The following CDH18 variants were observed in gnomAD, a reference collection of about 807,000 sequenced individuals.
The protein encoded by CDH18 is cadherin 18, also known as cadherin-18.
A neutral mutation model predicts 67.9 loss-of-function variants in CDH18; 31 were observed. That is an observed-to-expected ratio of 0.46 (90% CI 0.34 to 0.62). The LOEUF (loss-of-function observed/expected upper bound fraction) is 0.62. Ranked by LOEUF, CDH18 falls within the 20% of genes least tolerant of loss-of-function variation. The pLI is 0.01. For missense variants in CDH18, 890 were observed against 975.5 expected (o/e 0.91, Z 1.17); for synonymous variants, 362 against 347.2 (o/e 1.04, Z -0.48).
intron 3 of CDH18, among the ~76,000 whole-genome samples, chr5:19,807,864 T>A (rs1778194876): frequency 6.6e-6 from 1 of 152,190 alleles, no homozygotes; most frequent in South Asian, 2.1e-4. Context: ...TGAATATTTA[T>A]TTGTGTGAAT....
chr5:20,252,144 G>C lies in CDH18; in HGVS notation c.-518+3300C>G, dbSNP rs139344146. 5.0e-3 allele frequency among the ~76,000 whole-genome samples: 757 copies of C among 152,144 alleles called. 8 individuals are homozygous for C. The highest frequency in any genetic ancestry group is 0.017 in the African/African-American group (699 of 41,520). ...TGAAGCGGGTGGATCACGAGGTCAA[G>C]AGATCGAGATCATCCTGGCCAACAT... On this transcript the variant is annotated intron_variant, in intron 2 of 14. Transcript: ENST00000507958.
At chr5:19,772,181 A>G (rs1176308529) in intron 3 of CDH18, among the ~76,000 whole-genome samples, 1 of 152,118 alleles carries the variant, frequency 6.6e-6, no homozygotes, top group East Asian at 1.9e-4. Context: ...AGCCCAAAAT[A>G]CTTGTTTTGC....
intron 4 of CDH18, among the ~76,000 whole-genome samples, chr5:19,726,069 A>C (rs1237609278): frequency 6.6e-6 from 1 of 152,200 alleles, no homozygotes; most frequent in Non-Finnish European, 1.5e-5. Flanking sequence ...TAATAGGCTA[A>C]ATTGCCACAT....
At chr5:19,629,395 G>A (rs1752069161) in intron 5 of CDH18, among the ~76,000 whole-genome samples, 1 of 152,122 alleles carries the variant, frequency 6.6e-6, no homozygotes, top group Non-Finnish European at 1.5e-5. Flanking sequence ...CTGGGCTGGT[G>A]AGTCAAGACA....
chr5:19,584,949 C>T (rs773051699), intron 7 of CDH18, among the ~76,000 whole-genome samples: 22 of 150,900 alleles, frequency 1.5e-4, no homozygotes, highest in Middle Eastern at 3.4e-3. Context: ...GAGTCAAGAT[C>T]GCACCACTGC....
At chr5:20,031,479 A>G (rs1739395258) in intron 2 of CDH18, among the ~76,000 whole-genome samples, 1 of 152,012 alleles carries the variant, frequency 6.6e-6, no homozygotes, top group Admixed American at 6.6e-5. Context: ...AGCACTAGGG[A>G]GTTGGCAAAC....
chr5:19,520,738 T>C lies in CDH18; in HGVS notation c.1431A>G (p.Arg477=). 6.2e-7 allele frequency: 1 copy of C among 1,613,360 alleles called. No homozygotes were observed. Among genetic ancestry groups the C allele is most frequent in the Non-Finnish European group, 8.5e-7 (1 of 1,179,410 alleles). Residue 477 remains arginine, a synonymous_variant, in exon 10 of 13, where the codon AGA becomes AGG. Transcript: ENST00000382275. ...DLLSHVTVGI[R]VLDVNDNPPE... is the part of the protein sequence containing the mutation. ...GTGGATTGTCATTGACATCCAGAAC[T>C]CTAATACCCACTGTGACATGGCTCA...
At chr5:19,910,767 T>G (rs111869539) in intron 2 of CDH18, among the ~76,000 whole-genome samples, 1 of 152,194 alleles carries the variant, frequency 6.6e-6, no homozygotes, top group Non-Finnish European at 1.5e-5. Context: ...GGGTACCCTA[T>G]GAAAAAAGAC....
chr5:19,473,640 C>T lies in CDH18; in HGVS notation c.1959G>A (p.Glu653=), dbSNP rs1737936129. 6.2e-7 allele frequency: 1 copy of T among 1,613,720 alleles called. No homozygotes were observed. The highest frequency in any genetic ancestry group is 1.3e-5 in the African/African-American group (1 of 74,872). The stretch of plus-strand genomic sequence containing the variant: ...CTTCATCATCATAGGTGACCACGTT[C>T]TCCCGTACATCCTCTTCTGAAATGA... ...PLIISEEDVR[E]NVVTYDDEGG... The change falls in exon 13 of 13, where the codon GAG becomes GAA. Residue 653 remains glutamate (E), a synonymous_variant. Coordinates refer to ENST00000382275, the MANE Select transcript of CDH18 (RefSeq NM_004934.5).
In CDH18 at chr5:19,565,972, T is replaced by C. The variant is rs938775884; in HGVS notation, c.1253+5607A>G. On this transcript the variant is annotated intron_variant, in intron 8 of 12. Transcript: ENST00000382275. ...AGAAAATATTTTCAGATTATCCATATGACCAGGGATTAATAACCGGAATAT... is the reference window on the plus strand; with the variant it reads ...AGAAAATATTTTCAGATTATCCATACGACCAGGGATTAATAACCGGAATAT... 2.6e-5 allele frequency among the ~76,000 whole-genome samples: 4 copies of C among 152,088 alleles called. No individual in the cohort carries two copies. In the South Asian group the frequency reaches 6.2e-4, roughly 24 times the overall value.
intron 2 of CDH18, among the ~76,000 whole-genome samples, chr5:20,011,844 G>A (rs574628016): frequency 2.0e-4 from 31 of 152,018 alleles, no homozygotes; most frequent in African/African-American, 6.3e-4. Flanking sequence ...GGCTGGATTC[G>A]TATTGTCAGT....
chr5:19,576,315 G>A (rs930691122), intron 7 of CDH18, among the ~76,000 whole-genome samples: 5 of 151,892 alleles, frequency 3.3e-5, no homozygotes, highest in African/African-American at 9.7e-5. Flanking sequence ...GATAATACAT[G>A]ATTTGAAGAA....
At chr5:19,709,601 A>C (rs1416367376) in intron 5 of CDH18, among the ~76,000 whole-genome samples, 1 of 151,550 alleles carries the variant, frequency 6.6e-6, no homozygotes, top group Non-Finnish European at 1.5e-5. Context: ...TAAAGAAGGA[A>C]GGAAGGAAGA....
intron 2 of CDH18, among the ~76,000 whole-genome samples, chr5:19,969,766 G>A (rs1797841570): frequency 6.6e-6 from 1 of 151,526 alleles, no homozygotes; most frequent in Admixed American, 6.6e-5. Context: ...AATGGGTGCA[G>A]CACACCAGCA....
At chr5:20,453,047 C>A (rs1477943447) in intron 1 of CDH18, among the ~76,000 whole-genome samples, 1 of 152,082 alleles carries the variant, frequency 6.6e-6, no homozygotes, top group African/African-American at 2.4e-5. Context: ...TTGGTAAAAC[C>A]AGTTTTTATC....
intron 5 of CDH18, among the ~76,000 whole-genome samples, chr5:19,666,795 C>A (rs1420870019): frequency 6.6e-6 from 1 of 151,972 alleles, no homozygotes; most frequent in East Asian, 1.9e-4. Flanking sequence ...GAAGTGAGTG[C>A]ACAAACTGGG....
chr5:20,233,812 T>G (rs1425351597), intron 2 of CDH18, among the ~76,000 whole-genome samples: 5 of 152,176 alleles, frequency 3.3e-5, no homozygotes, highest in Non-Finnish European at 4.4e-5. Flanking sequence ...AATTCTCTCC[T>G]GCCCCAATTT....
intron 1 of CDH18, chr5:20,305,133 T>C: frequency 6.7e-7 from 1 of 1,496,802 alleles, no homozygotes; most frequent in Non-Finnish European, 9.3e-7. Context: ...CCTTGGGCTC[T>C]GCCACTGCCT....
chr5:20,060,769 T>C (rs1228447132), intron 2 of CDH18, among the ~76,000 whole-genome samples: 1 of 152,154 alleles, frequency 6.6e-6, no homozygotes, highest in Non-Finnish European at 1.5e-5. Flanking sequence ...TACATTCAAC[T>C]ACCTGTGCCC....
Sources: allele counts gnomAD v4.1 joint callset (sites outside exome capture counted in the v4.1 genomes callset), GRCh38; gene constraint gnomAD v4.1.1; transcripts MANE v1.5; gene names NCBI Gene and HGNC (gene_info 2026-07-23, HGNC 2026-07-21).